The following IKBKE variants were observed in gnomAD, a reference collection of about 807,000 sequenced individuals.
IKBKE encodes the protein inhibitor of nuclear factor kappa B kinase subunit epsilon.
A neutral mutation model predicts 92.1 loss-of-function variants in IKBKE; 45 were observed. The observed-to-expected ratio is 0.49, with a 90% CI of 0.38 to 0.63. The LOEUF is 0.63. Ranked by LOEUF, IKBKE falls within the 20% of genes least tolerant of loss-of-function variation. The pLI, the probability that IKBKE is intolerant of heterozygous loss-of-function variation, is 0.00. For synonymous variants in IKBKE, 374 were observed against 380.3 expected (o/e 0.98, Z 0.19); for missense variants, 700 against 932.8 (o/e 0.75, Z 3.25).
At chr1:206,482,750 G>T (rs1259422467) in intron 13 of IKBKE, among the ~76,000 whole-genome samples, 5 of 152,252 alleles carry the variant, frequency 3.3e-5, no homozygotes, top group Non-Finnish European at 7.3e-5. Flanking sequence ...TGAGAGGGTT[G>T]CATGATCTCT....
intron 3 of IKBKE, among the ~76,000 whole-genome samples, chr1:206,473,960 C>CAAAA (rs58205740): frequency 1.1e-4 from 7 of 62,220 alleles, no homozygotes; most frequent in African/African-American, 2.0e-4. Flanking sequence ...GGCTCCGTCT[C>CAAAA]AAAAAAAAAA....
In IKBKE at chr1:206,491,802, G is replaced by A. The variant is rs1288942538; in HGVS notation, c.1835+53G>A. On this transcript the variant is annotated intron_variant, in intron 18 of 21. Transcript: ENST00000581977. ...CCCAGGGCCTGGCCTGGCCCTTCTA[G>A]GCTTCAGAGGACCCAGGGCTTTGTG... 1.1e-5 allele frequency: 15 copies of A among 1,318,404 alleles called. 1 individual carries two copies. The highest frequency in any genetic ancestry group is 8.8e-5 in the African/African-American group (6 of 68,168). The allele number at this position is 1,318,404 out of a possible 1,614,324, so 81.7% of individuals were successfully genotyped here.
chr1:206,493,836 A>G (rs2103486384), intron 20 of IKBKE, 84 bp from the exon 21 acceptor site: 2 of 979,296 alleles, frequency 2.0e-6, no homozygotes, highest in Admixed American at 4.1e-5. Context: ...GTGGGGCTGC[A>G]GAGGAGGGTG....
At chr1:206,488,997 A>G (rs41299251) in intron 16 of IKBKE, among the ~76,000 whole-genome samples, 153 of 152,134 alleles carry the variant, frequency 1.0e-3, no homozygotes, top group African/African-American at 3.7e-3. Flanking sequence ...ATATATACAC[A>G]TAAATATATA....
Position 206,479,068 on chromosome 1 carries a change from C to T in IKBKE, c.1118C>T (p.Thr373Met), listed in dbSNP as rs781909564. The T allele has an allele frequency of 5.6e-6, 9 of 1,613,830 alleles. No individual in the cohort carries two copies. Among genetic ancestry groups the T allele is most frequent in the African/African-American group, 4.0e-5 (3 of 75,046 alleles). Residue 373 changes from threonine (T) to methionine (M), a missense_variant, in exon 10 of 22, where the codon ACG becomes ATG. By Grantham distance (81) the Thr-to-Met change is moderately conservative. Coordinates refer to ENST00000581977, the MANE Select transcript of IKBKE (RefSeq NM_014002.4). Reference sequence around the variant, plus strand: ...GTCTCAGCACAGCACATCGCCCACACGACGGCAAGCAGCCCCCTGACCCTC... The same window carrying T: ...GTCTCAGCACAGCACATCGCCCACATGACGGCAAGCAGCCCCCTGACCCTC... ...PSVSAQHIAH[T>M]TASSPLTLFS...
chr1:206,489,390 T>TATATACACACACA (rs1665830860), intron 16 of IKBKE, among the ~76,000 whole-genome samples: 1 of 142,852 alleles, frequency 7.0e-6, no homozygotes, highest in African/African-American at 2.7e-5. Context: ...TATATATATA[T>TATATACACACACA]ATATATATAT....
chr1:206,492,987 C>T, intron 18 of IKBKE, 36 bp from the exon 19 acceptor site: 1 of 1,535,234 alleles, frequency 6.5e-7, no homozygotes, highest in Non-Finnish European at 8.8e-7. Context: ...GGGCTGAGTC[C>T]TGCTCTAATT....
Position 206,492,735 on chromosome 1 carries a change from G to A in IKBKE, c.1836-288G>A, listed in dbSNP as rs1306053507. On this transcript the variant is annotated intron_variant, in intron 18 of 21. Transcript: ENST00000581977. The stretch of plus-strand genomic sequence containing the variant: ...CTCTCTGCAGCCTGACTGGTGCCAC[G>A]CTCACCATAGGTGGCATGCGTCACC... The A allele has an allele frequency of 1.1e-5, 6 of 570,970 alleles. No individual in the cohort carries two copies. In the East Asian group the frequency reaches 1.2e-4, roughly 12 times the overall value. 35.4% of individuals were successfully genotyped at this position (570,970 alleles called of 1,614,324 possible). A position where few individuals can be genotyped will look rare whatever the true frequency, so the allele number is the denominator to read the frequency against.
chr1:206,494,592 C>CTTTTTTTTTTTTTT lies in IKBKE; in HGVS notation c.2117+617_2117+630dup, dbSNP rs58971788. Among the ~76,000 whole-genome samples, 31 of 63,906 alleles carry CTTTTTTTTTTTTTT rather than the reference C, an allele frequency of 4.9e-4. 2 individuals are homozygous for CTTTTTTTTTTTTTT. Among genetic ancestry groups the CTTTTTTTTTTTTTT allele is most frequent in the African/African-American group, 1.0e-3 (18 of 17,410 alleles). 41.9% of individuals were successfully genotyped at this position (63,906 alleles called of 152,430 possible). On this transcript the variant is annotated intron_variant, in intron 21 of 21. Transcript: ENST00000581977. ...TTTTGCATACCAGTAAAAGTTCTTTCTTTTTTTTTTTTTTTTTTTTTTTTT... is the reference window on the plus strand; with the variant it reads ...TTTTGCATACCAGTAAAAGTTCTTTCTTTTTTTTTTTTTTTTTTTTTTTTTTTTTTTTTTTTTTT...
At chr1:206,483,459 C>T (rs115863125) in intron 13 of IKBKE, among the ~76,000 whole-genome samples, 255 of 152,294 alleles carry the variant, frequency 1.7e-3, no homozygotes, top group African/African-American at 5.3e-3. Flanking sequence ...GTGCCGAACA[C>T]GTTGCTAGGC....
At chr1:206,479,974 C>G (rs2103462930) in intron 11 of IKBKE, 40 bp downstream of exon 11, 19 of 1,612,948 alleles carry the variant, frequency 1.2e-5, no homozygotes, top group Non-Finnish European at 1.6e-5. Flanking sequence ...GGGCATGACC[C>G]AAGGGTAGGA....
At chr1:206,471,622 T>G (rs1285998707) in intron 2 of IKBKE, among the ~76,000 whole-genome samples, 26 of 152,184 alleles carry the variant, frequency 1.7e-4, no homozygotes, top group Admixed American at 1.4e-3. Flanking sequence ...CCAGACCTGC[T>G]GGCTGCCTCC....
Position 206,485,006 on chromosome 1 carries a change from C to T in IKBKE, c.1437C>T (p.Ser479=), listed in dbSNP as rs142054082. The T allele has an allele frequency of 1.9e-4, 300 of 1,613,888 alleles. No homozygotes were observed. In the Middle Eastern group the frequency reaches 2.8e-3, roughly 15 times the overall value. The change falls in exon 14 of 22, where the codon AGC becomes AGT. Residue 479 remains serine (S), a synonymous_variant. Transcript: ENST00000581977. This position sits in a 1 kb window ranked among gnomAD's most constrained non-coding sequence, Gnocchi z 5.0. ...SSSLGTERFS[S]VAGTPEIQEL... is the part of the protein sequence containing the mutation. ...CTTTGCTTCCCTCAAGGTTCAGCAGCGTGGCTGGAACGCCTGAGATCCAGG... is the reference window on the plus strand; with the variant it reads ...CTTTGCTTCCCTCAAGGTTCAGCAGTGTGGCTGGAACGCCTGAGATCCAGG...
rs190448324 is a variant in IKBKE at position 206,476,169 on chromosome 1, G to C, written c.359-12G>C. On this transcript the variant is annotated splice_polypyrimidine_tract_variant and intron_variant, in intron 5 of 21. Transcript: ENST00000581977. The surrounding 1 kb of genome is among the most constrained non-coding windows in gnomAD (Gnocchi z 5.1). ...ACCAGAGCCAGCTAGTGGCCTCCCCGTCTGTCCCCAGTGGCCGGCATGAAC... is the reference window on the plus strand; with the variant it reads ...ACCAGAGCCAGCTAGTGGCCTCCCCCTCTGTCCCCAGTGGCCGGCATGAAC... 6.2e-7 allele frequency: 1 copy of C among 1,613,660 alleles called. No homozygotes were observed. The highest frequency in any genetic ancestry group is 1.1e-5 in the South Asian group (1 of 91,040).
rs1459201031 is a variant in IKBKE, at chr1:206,476,625, A to AG, written c.541-51dup. The AG allele has an allele frequency of 3.1e-6, 5 of 1,606,600 alleles. No homozygotes were observed. The East Asian group carries it at 1.1e-4, about 36-fold the overall frequency. ...GGTGAAAGGGGGTCTGACAGGTCTC[A>AG]GGCCCTTGCCAGCCCTCCGGCTCCA... On this transcript the variant is annotated intron_variant, in intron 6 of 21. Coordinates refer to ENST00000581977, the MANE Select transcript of IKBKE (RefSeq NM_014002.4). The surrounding 1 kb of genome is among the most constrained non-coding windows in gnomAD (Gnocchi z 5.1).
Position 206,487,111 on chromosome 1 carries a change from A to G in IKBKE, c.1617-803A>G, listed in dbSNP as rs1160344223. The stretch of plus-strand genomic sequence containing the variant: ...GCTCCTTCGGCTGGCAGAGCCCTGG[A>G]ACAAGCCTGTGCTCTGTTCAGAGTC... On this transcript the variant is annotated intron_variant, in intron 15 of 21. Coordinates refer to ENST00000581977, the MANE Select transcript of IKBKE (RefSeq NM_014002.4). The surrounding 1 kb of genome is among the most constrained non-coding windows in gnomAD (Gnocchi z 5.3). Among the ~76,000 whole-genome samples, 1 of 152,322 alleles carries G rather than the reference A, an allele frequency of 6.6e-6. No homozygotes were observed. Among genetic ancestry groups the G allele is most frequent in the East Asian group, 1.9e-4 (1 of 5,194 alleles).
chr1:206,495,020 G>A (rs1029813986), intron 21 of IKBKE, among the ~76,000 whole-genome samples: 4 of 144,330 alleles, frequency 2.8e-5, no homozygotes, highest in African/African-American at 5.1e-5. Flanking sequence ...CTGTCATCTA[G>A]TAACCCTACT....
rs1325334524 is a variant in IKBKE, at chr1:206,485,188, C to T, written c.1504-6C>T. The T allele has an allele frequency of 2.5e-6, 4 of 1,608,758 alleles. No individual in the cohort carries two copies. The highest frequency in any genetic ancestry group is 2.2e-5 in the South Asian group (2 of 90,970). On this transcript the variant is annotated splice_region_variant and splice_polypyrimidine_tract_variant and intron_variant, in intron 14 of 21. Coordinates refer to ENST00000581977, the MANE Select transcript of IKBKE (RefSeq NM_014002.4). The surrounding 1 kb of genome is among the most constrained non-coding windows in gnomAD (Gnocchi z 5.0). ...CCCCACGGGGGTCTGCCTTTGTGCC[C>T]CACAGCTAGCGGAGGTCCTCTCCAG...
At position 206,489,345 on chromosome 1, in the gene IKBKE, A is replaced by ATGTG. The variant is rs1312395366; in HGVS notation, c.1693+1377_1693+1380dup. Among the ~76,000 whole-genome samples, 773 of 119,578 alleles carry ATGTG rather than the reference A, an allele frequency of 6.5e-3. 10 individuals carry two copies. The highest frequency in any genetic ancestry group is 0.018 in the African/African-American group (588 of 31,842). The allele number at this position is 119,578 out of a possible 152,430, so 78.4% of individuals were successfully genotyped here. A position where few individuals can be genotyped will look rare whatever the true frequency, so the allele number is the denominator to read the frequency against. On this transcript the variant is annotated intron_variant, in intron 16 of 21. Transcript: ENST00000581977. The stretch of plus-strand genomic sequence containing the variant: ...AACTAAATTTTATATATGTGTGTAT[A>ATGTG]TGTGTGTGTGTGTGTGTGTGTGTGT...
Sources: gnomAD v4.1 joint callset for allele counts (sites outside exome capture counted in the v4.1 genomes callset) on GRCh38, gnomAD v4.1.1 for gene constraint, Gnocchi (gnomAD v3.1) non-coding constraint, MANE v1.5 for transcripts, NCBI Gene and HGNC (gene_info 2026-07-23, HGNC 2026-07-21) for gene names.